Variants in CDC42EP5 observed in about 807,000 individuals in gnomAD.
CDC42EP5 encodes the protein CDC42 effector protein (Rho GTPase binding) 5.
For synonymous variants in CDC42EP5, 118 were observed against 123.3 expected (o/e 0.96, Z 0.28); for missense variants, 269 against 238.0 (o/e 1.13, Z -0.86).
chr19:54,471,794 T>C, intron 1 of CDC42EP5, 109 bp from the exon 2 acceptor site: 2 of 163,432 alleles, frequency 1.2e-5, no homozygotes, highest in Non-Finnish European at 2.7e-5. Context: ...GTCCTAGATC[T>C]TCGCTTTCTT....
intron 2 of CDC42EP5, among the ~76,000 whole-genome samples, chr19:54,468,284 A>T (rs911279421): frequency 6.6e-6 from 1 of 152,090 alleles, no homozygotes; most frequent in Non-Finnish European, 1.5e-5. Context: ...GATAATATGG[A>T]GGAAAATGAA....
In CDC42EP5 at chr19:54,465,029, G is replaced by A; in HGVS notation, c.*72C>T. On this transcript the variant is annotated 3_prime_UTR_variant, in exon 3 of 3. Transcript: ENST00000301200. ...GTGCAAAGTGAAAAGTCAGAGCCCG[G>A]GCACACACCTTGGCCGTTTATGTAT... 8.3e-7 allele frequency: 1 copy of A among 1,201,984 alleles called. No homozygotes were observed. The highest frequency in any genetic ancestry group is 1.1e-6 in the Non-Finnish European group (1 of 943,590). The allele number at this position is 1,201,984 out of a possible 1,614,324, so 74.5% of individuals were successfully genotyped here.
intron 2 of CDC42EP5, among the ~76,000 whole-genome samples, chr19:54,469,237 G>A (rs1784454232): frequency 6.6e-6 from 1 of 151,914 alleles, no homozygotes; most frequent in South Asian, 2.1e-4. Flanking sequence ...CTCGTGATCT[G>A]CCCACCTCGG....
In CDC42EP5 at chr19:54,465,133, C is replaced by G. The variant is rs764369676; in HGVS notation, c.415G>C (p.Asp139His). The G allele has an allele frequency of 3.1e-5, 43 of 1,391,430 alleles. 1 individual carries two copies. In the South Asian group the frequency reaches 6.8e-4, roughly 22 times the overall value. 86.2% of individuals were successfully genotyped at this position (1,391,430 alleles called of 1,614,324 possible). The change falls in exon 3 of 3, where the codon GAC becomes CAC. Residue 139 changes from aspartate (D) to histidine (H), a missense_variant. Asp to His is a moderately conservative substitution (Grantham distance 81). Transcript: ENST00000301200. ...CCGATGACGTCGTTCAGCTCGAGGT[C>G]CGCGTTGGGGCGGCAGCGGGCCTGG... ...PPQARCRPNA[D>H]LELNDVIGL is the part of the protein sequence containing the mutation.
intron 2 of CDC42EP5, among the ~76,000 whole-genome samples, chr19:54,468,888 A>ATTCCCTCCTTCCTTCCTTCCTTCCTTCC (rs2084790850): frequency 8.6e-6 from 1 of 116,286 alleles, no homozygotes; most frequent in South Asian, 3.0e-4. Flanking sequence ...AGATACTCTG[A>ATTCCCTCCTTCCTTCCTTCCTTCCTTCC]TTCCTTCCTT....
chr19:54,465,441 A>T lies in CDC42EP5; in HGVS notation c.107T>A (p.Val36Glu). The change falls in exon 3 of 3, where the codon GTG becomes GAG. Residue 36 changes from valine (V) to glutamate (E), a missense_variant. Val to Glu is a moderately radical substitution (Grantham distance 121, BLOSUM62 -2). Transcript: ENST00000301200. ...PLGDFRHTLHVGRGGDAFGDT... is the reference protein window; with the variant it reads ...PLGDFRHTLHEGRGGDAFGDT... ...CCCGAAGGCGTCGCCGCCGCGCCCC[A>T]CGTGCAGCGTGTGCCGGAAGTCGCC... 1 of 1,505,934 alleles carries T rather than the reference A, an allele frequency of 6.6e-7. No individual in the cohort carries two copies. Among genetic ancestry groups the T allele is most frequent in the Non-Finnish European group, 8.8e-7 (1 of 1,138,286 alleles). 93.3% of individuals were successfully genotyped at this position (1,505,934 alleles called of 1,614,324 possible).
In CDC42EP5 at chr19:54,465,467, G is replaced by A; in HGVS notation, c.81C>T (p.Leu27=). The A allele has an allele frequency of 2.0e-6, 3 of 1,516,742 alleles. No individual in the cohort carries two copies. The highest frequency in any genetic ancestry group is 2.4e-5 in the South Asian group (2 of 82,066). 94.0% of individuals were successfully genotyped at this position (1,516,742 alleles called of 1,614,324 possible). The change falls in exon 3 of 3, where the codon CTC becomes CTT. Residue 27 remains leucine (L), a synonymous_variant. Transcript: ENST00000301200. ...CGTGCAGCGTGTGCCGGAAGTCGCC[G>A]AGCGGCGCGGAGATGGACAGGGCGC... is the stretch of plus-strand genomic sequence containing the variant. ...DRGALSISAP[L]GDFRHTLHVG...
chr19:54,468,331 T>C (rs2084783110), intron 2 of CDC42EP5, among the ~76,000 whole-genome samples: 1 of 145,600 alleles, frequency 6.9e-6, no homozygotes, highest in Non-Finnish European at 1.5e-5. Flanking sequence ...GATGGCTAGA[T>C]TCTGAAGACT....
chr19:54,470,461 AG>A (rs899763702), intron 2 of CDC42EP5, among the ~76,000 whole-genome samples: 2 of 147,934 alleles, frequency 1.4e-5, no homozygotes, highest in Admixed American at 6.7e-5. Flanking sequence ...GAAGGAAGGA[AG>A]GAAAGAGAAA....
chr19:54,469,328 T>C (rs1446673983), intron 2 of CDC42EP5, among the ~76,000 whole-genome samples: 1 of 152,056 alleles, frequency 6.6e-6, no homozygotes, highest in Non-Finnish European at 1.5e-5. Context: ...ATCTATTTTA[T>C]TTTTAAATGT....
In CDC42EP5 at chr19:54,465,154, C is replaced by T; in HGVS notation, c.394G>A (p.Ala132Thr). Residue 132 changes from alanine (A) to threonine (T), a missense_variant, in exon 3 of 3, where the codon GCC (alanine) becomes ACC (threonine). Physicochemically the swap from Ala to Thr is moderately conservative, Grantham distance 58 (BLOSUM62 0). Transcript: ENST00000301200. ...AGGTCCGCGTTGGGGCGGCAGCGGG[C>T]CTGGGGGGGCTGCGTCCCGGGGCGG... The part of the protein sequence containing the change: ...EPRPGTQPPQ[A>T]RCRPNADLEL... The T allele has an allele frequency of 2.1e-6, 3 of 1,407,444 alleles. No homozygotes were observed. Among genetic ancestry groups the T allele is most frequent in the Non-Finnish European group, 2.8e-6 (3 of 1,088,528 alleles). The allele number at this position is 1,407,444 out of a possible 1,614,324, so 87.2% of individuals were successfully genotyped here.
At chr19:54,467,998 G>C (rs978247176) in intron 2 of CDC42EP5, among the ~76,000 whole-genome samples, 5 of 152,182 alleles carry the variant, frequency 3.3e-5, no homozygotes, top group African/African-American at 1.2e-4. Context: ...TTTGCCAGCT[G>C]TATGAACTGC....
In CDC42EP5 at chr19:54,465,442, C is replaced by T. The variant is rs1188649475; in HGVS notation, c.106G>A (p.Val36Met). ...PLGDFRHTLH[V>M]GRGGDAFGDT... ...CCGAAGGCGTCGCCGCCGCGCCCCACGTGCAGCGTGTGCCGGAAGTCGCCG... is the reference window on the plus strand; with the variant it reads ...CCGAAGGCGTCGCCGCCGCGCCCCATGTGCAGCGTGTGCCGGAAGTCGCCG... The change falls in exon 3 of 3, where the codon GTG (valine) becomes ATG (methionine). Residue 36 changes from valine (V) to methionine (M), a missense_variant. Val to Met is a conservative substitution (Grantham distance 21, BLOSUM62 1). Coordinates refer to ENST00000301200, the MANE Select transcript of CDC42EP5 (RefSeq NM_145057.4). The T allele has an allele frequency of 1.3e-6, 2 of 1,508,070 alleles. No homozygotes were observed. The highest frequency in any genetic ancestry group is 1.4e-5 in the African/African-American group (1 of 69,264). 93.4% of individuals were successfully genotyped at this position (1,508,070 alleles called of 1,614,324 possible).
intron 1 of CDC42EP5, among the ~76,000 whole-genome samples, chr19:54,471,982 C>G (rs1188356232): frequency 3.3e-5 from 1 of 30,102 alleles, no homozygotes; most frequent in Admixed American, 3.9e-4. Flanking sequence ...GGAGTCCAGA[C>G]CCCCCAGCCC....
chr19:54,470,228 C>T (rs1054267296), intron 2 of CDC42EP5, among the ~76,000 whole-genome samples: 1 of 151,818 alleles, frequency 6.6e-6, no homozygotes, highest in Admixed American at 6.6e-5. Flanking sequence ...AAAAATTAGC[C>T]AGGTGCTGTG....
At chr19:54,470,521 AGAAG>A (rs10647449) in intron 2 of CDC42EP5, among the ~76,000 whole-genome samples, 28 of 148,872 alleles carry the variant, frequency 1.9e-4, no homozygotes, top group African/African-American at 4.3e-4. Context: ...AAGAAAGGAA[AGAAG>A]GAAGGAAGGA....
chr19:54,472,790 T>A (rs540957041), intron 1 of CDC42EP5, among the ~76,000 whole-genome samples: 2 of 37,812 alleles, frequency 5.3e-5, no homozygotes, highest in African/African-American at 1.1e-4. Flanking sequence ...TCCCTCAGAC[T>A]CAGGGGTCCA....
Position 54,465,379 on chromosome 19 carries a change from G to A in CDC42EP5, c.169C>T (p.Pro57Ser), listed in dbSNP as rs922096963. The change falls in exon 3 of 3, where the codon CCC (proline) becomes TCC (serine). Residue 57 changes from proline to serine, a missense_variant. Coordinates refer to ENST00000301200, the MANE Select transcript of CDC42EP5 (RefSeq NM_145057.4). ...GCGGGGGGCGCCCGGGGCTCGGGGGGCGGCCCGCCGCCGTGGCGGCTCAGG... is the reference window on the plus strand; with the variant it reads ...GCGGGGGGCGCCCGGGGCTCGGGGGACGGCCCGCCGCCGTGGCGGCTCAGG... ...SFLSRHGGGP[P>S]PEPRAPPAGA... 2.6e-6 allele frequency: 3 copies of A among 1,173,440 alleles called. No individual in the cohort carries two copies. Among genetic ancestry groups the A allele is most frequent in the Admixed American group, 9.3e-5 (2 of 21,534 alleles). 72.7% of individuals were successfully genotyped at this position (1,173,440 alleles called of 1,614,324 possible). A position where few individuals can be genotyped will look rare whatever the true frequency, so the allele number is the denominator to read the frequency against.
Position 54,468,095 on chromosome 19 carries a change from T to C in CDC42EP5, c.1-2548A>G, listed in dbSNP as rs115933586. ...CTTCCTTTCAGGATACATAGAAAAG[T>C]CTGATCAAAGAAAACTATACTTGTA... On this transcript the variant is annotated intron_variant, in intron 2 of 2. Coordinates refer to ENST00000301200, the MANE Select transcript of CDC42EP5 (RefSeq NM_145057.4). Among the ~76,000 whole-genome samples, 517 of 152,250 alleles carry C rather than the reference T, an allele frequency of 3.4e-3. 5 individuals carry two copies. The highest frequency in any genetic ancestry group is 0.011 in the African/African-American group (474 of 41,550).
Sources: allele counts gnomAD v4.1 joint callset (sites outside exome capture counted in the v4.1 genomes callset), GRCh38; gene constraint gnomAD v4.1.1; transcripts MANE v1.5; gene names NCBI Gene and HGNC (gene_info 2026-07-23, HGNC 2026-07-21).